Variants in PLD5 observed in about 807,000 individuals in gnomAD.
PLD5 encodes the protein inactive phospholipase D5.
A neutral mutation model predicts 61.1 loss-of-function variants in PLD5; 36 were observed. That is an observed-to-expected ratio of 0.59 (90% CI 0.45 to 0.78). The LOEUF is 0.78. Ranked by LOEUF, PLD5 falls within the 30% of genes least tolerant of loss-of-function variation. The probability of loss-of-function intolerance (pLI) is 0.00; values close to 1 mark genes in which losing one functional copy is unlikely to be tolerated. For missense variants in PLD5, 515 were observed against 644.4 expected, an observed-to-expected ratio of 0.80 and a Z score of 2.17; for synonymous variants, 243 against 242.8, an observed-to-expected ratio of 1.00 and a Z score of -0.01.
intron 5 of PLD5, among the ~76,000 whole-genome samples, chr1:242,157,559 T>G (rs1471027759): frequency 1.3e-5 from 2 of 152,158 alleles, no homozygotes; most frequent in African/African-American, 4.8e-5. Flanking sequence ...TGCTATTCCT[T>G]TCTGTTGGTT....
intron 1 of PLD5, among the ~76,000 whole-genome samples, chr1:242,376,463 T>A (rs72763077): frequency 0.091 from 13,918 of 152,202 alleles, 683 homozygotes; most frequent in African/African-American, 0.12. Context: ...TTACTTACTA[T>A]TTATGTAGTG....
intron 1 of PLD5, among the ~76,000 whole-genome samples, chr1:242,496,558 T>C (rs996492433): frequency 3.3e-5 from 5 of 152,236 alleles, no homozygotes; most frequent in Non-Finnish European, 5.9e-5. Context: ...CTTTGCGAGA[T>C]TGTTTCTATC....
In PLD5 at chr1:242,085,899, G is replaced by C. The variant is rs144697574; in HGVS notation, c.*3955C>G. The stretch of plus-strand genomic sequence containing the variant: ...GGAAAAAAAAAAAAGTTAATTGTAG[G>C]ATAGAATTCCTGAGACAGATAGACC... On this transcript the variant is annotated 3_prime_UTR_variant, in exon 10 of 10. Transcript: ENST00000536534. 6.6e-6 allele frequency: 1 copy of C among 151,884 alleles called. No homozygotes were observed. The highest frequency in any genetic ancestry group is 1.5e-5 in the Non-Finnish European group (1 of 67,952). 9.4% of individuals were successfully genotyped at this position (151,884 alleles called of 1,614,324 possible).
intron 1 of PLD5, among the ~76,000 whole-genome samples, chr1:242,357,908 C>T (rs1021093998): frequency 5.9e-5 from 9 of 152,136 alleles, no homozygotes; most frequent in East Asian, 1.9e-4. Flanking sequence ...ATAATTCCCA[C>T]GGTCATACTT....
chr1:242,420,016 C>T (rs1432700831), intron 1 of PLD5, among the ~76,000 whole-genome samples: 3 of 152,126 alleles, frequency 2.0e-5, no homozygotes, highest in Non-Finnish European at 4.4e-5. Flanking sequence ...CAGGAACTCT[C>T]ACAAAATTCT....
intron 1 of PLD5, among the ~76,000 whole-genome samples, chr1:242,375,280 C>T (rs771407004): frequency 2.6e-5 from 4 of 152,258 alleles, no homozygotes; most frequent in Non-Finnish European, 4.4e-5. Flanking sequence ...TCAGCCGTGC[C>T]GTCTGCCTCA....
chr1:242,416,540 C>A (rs1442315091), intron 1 of PLD5, among the ~76,000 whole-genome samples: 2 of 152,050 alleles, frequency 1.3e-5, no homozygotes, highest in African/African-American at 4.8e-5. Context: ...TGCAAGAATT[C>A]AACAAATTCA....
chr1:242,530,358 T>C, the PLD5 span, among the ~76,000 whole-genome samples: 2 of 152,352 alleles, frequency 1.3e-5, no homozygotes, highest in East Asian at 1.9e-4. Context: ...CTTGGACAGA[T>C]CCATCACATC....
chr1:242,437,713 A>T (rs1331429902), intron 1 of PLD5, among the ~76,000 whole-genome samples: 1 of 152,178 alleles, frequency 6.6e-6, no homozygotes, highest in East Asian at 1.9e-4. Flanking sequence ...GTTTACAAAC[A>T]GCTAATAAGT....
At chr1:242,482,830 G>C (rs1200027049) in intron 1 of PLD5, among the ~76,000 whole-genome samples, 1 of 152,212 alleles carries the variant, frequency 6.6e-6, no homozygotes, top group East Asian at 1.9e-4. Flanking sequence ...TACCCACAAA[G>C]GGAAGCCCAT....
chr1:242,132,075 C>A (rs1373046181), intron 5 of PLD5, among the ~76,000 whole-genome samples: 1 of 151,504 alleles, frequency 6.6e-6, no homozygotes, highest in African/African-American at 2.4e-5. Context: ...AGGTGATCTG[C>A]CCACCTCAGC....
rs116560276 is a variant in PLD5, at chr1:242,444,381, G to T, written c.189+79707C>A. 2.2e-3 allele frequency among the ~76,000 whole-genome samples: 330 copies of T among 151,990 alleles called. 3 individuals are homozygous for T. The highest frequency in any genetic ancestry group is 6.8e-3 in the African/African-American group (282 of 41,474). On this transcript the variant is annotated intron_variant, in intron 1 of 9. Coordinates refer to ENST00000536534, the MANE Select transcript of PLD5 (RefSeq NM_001372062.1). ...CGGAGAAGAGGGAGGTATTTTGTAT[G>T]CACTCATTCTCCTCCACATATTTCT...
At chr1:242,237,316 A>AG (rs935567097) in intron 4 of PLD5, among the ~76,000 whole-genome samples, 3 of 122,098 alleles carry the variant, frequency 2.5e-5, no homozygotes, top group African/African-American at 8.0e-5. Context: ...AAATGAGTTA[A>AG]GAAAAAAAAA....
chr1:242,372,931 G>A (rs571236059), intron 1 of PLD5, among the ~76,000 whole-genome samples: 2,071 of 152,168 alleles, frequency 0.014, 50 homozygotes, highest in African/African-American at 0.048. Context: ...ACAAAAGCCA[G>A]AATTGACAAA....
intron 1 of PLD5, among the ~76,000 whole-genome samples, chr1:242,366,961 A>C (rs902428692): frequency 2.6e-5 from 4 of 152,198 alleles, no homozygotes; most frequent in Non-Finnish European, 4.4e-5. Context: ...GATTTGCAAA[A>C]TTAGACATGC....
At chr1:242,368,072 C>T (rs1661439396) in intron 1 of PLD5, among the ~76,000 whole-genome samples, 1 of 152,122 alleles carries the variant, frequency 6.6e-6, no homozygotes, top group East Asian at 1.9e-4. Flanking sequence ...CAAACTGAAA[C>T]TCAACTCATT....
intron 1 of PLD5, among the ~76,000 whole-genome samples, chr1:242,449,891 G>C (rs1666711945): frequency 6.6e-6 from 1 of 152,208 alleles, no homozygotes; most frequent in Non-Finnish European, 1.5e-5. Flanking sequence ...GGTTACAGCA[G>C]CTCGGTCATC....
chr1:242,268,325 T>C (rs891051638), intron 3 of PLD5, among the ~76,000 whole-genome samples: 2 of 152,336 alleles, frequency 1.3e-5, no homozygotes, highest in East Asian at 3.9e-4. Context: ...TAAGGCCCCA[T>C]GGTCAGTGGG....
At chr1:242,185,354 A>G (rs12084760) in intron 5 of PLD5, among the ~76,000 whole-genome samples, 12,480 of 152,242 alleles carry the variant, frequency 0.082, 609 homozygotes, top group Middle Eastern at 0.15. Context: ...TTATCAATAC[A>G]TCAGACTGGA....
Sources: allele counts gnomAD v4.1 joint callset (sites outside exome capture counted in the v4.1 genomes callset), GRCh38; gene constraint gnomAD v4.1.1; transcripts MANE v1.5; gene names NCBI Gene and HGNC (gene_info 2026-07-23, HGNC 2026-07-21).